Variants in LSAMP observed in about 807,000 individuals in gnomAD.
The protein encoded by LSAMP is limbic system associated membrane protein.
In LSAMP, 7 loss-of-function variants were observed where a neutral mutation model predicts 38.6. That is an observed-to-expected ratio of 0.18 (90% CI 0.10 to 0.34). The LOEUF (loss-of-function observed/expected upper bound fraction) is 0.34, where lower values mean the gene tolerates loss of function less well. Ranked by LOEUF, LSAMP falls within the 10% of genes least tolerant of loss-of-function variation. The pLI is 1.00. For synonymous variants in LSAMP, 154 were observed against 166.8 expected (o/e 0.92, Z 0.59); for missense variants, 313 against 420.0 (o/e 0.75, Z 2.23).
chr3:116,238,862 T>TA (rs398106338), intron 1 of LSAMP, among the ~76,000 whole-genome samples: 2 of 151,704 alleles, frequency 1.3e-5, no homozygotes, highest in Non-Finnish European at 2.9e-5. Flanking sequence ...CTTTTTTTTT[T>TA]AAGTTGCAAT....
chr3:116,022,891 C>A (rs1318224184), intron 2 of LSAMP, among the ~76,000 whole-genome samples: 1 of 152,148 alleles, frequency 6.6e-6, no homozygotes, highest in Non-Finnish European at 1.5e-5. Context: ...GGACTAAAGT[C>A]ATTACCTTCA....
At chr3:116,152,829 C>T (rs939605366) in intron 1 of LSAMP, among the ~76,000 whole-genome samples, 1 of 152,000 alleles carries the variant, frequency 6.6e-6, no homozygotes, top group Non-Finnish European at 1.5e-5. Flanking sequence ...CACAACTGAT[C>T]TAAAGTTATA....
intron 1 of LSAMP, among the ~76,000 whole-genome samples, chr3:116,373,449 C>T (rs558851353): frequency 2.6e-5 from 4 of 151,500 alleles, no homozygotes; most frequent in Non-Finnish European, 4.4e-5. Flanking sequence ...GAGTTATTTT[C>T]GAATGGGTAT....
chr3:116,195,251 A>G (rs761857844), intron 1 of LSAMP, among the ~76,000 whole-genome samples: 1 of 152,210 alleles, frequency 6.6e-6, no homozygotes, highest in Non-Finnish European at 1.5e-5. Flanking sequence ...TGGCTTTTCA[A>G]AATTTCATCA....
intron 1 of LSAMP, among the ~76,000 whole-genome samples, chr3:116,310,482 GCAACCTTTACCTACT>G (rs1214964387): frequency 6.6e-6 from 1 of 152,168 alleles, no homozygotes; most frequent in East Asian, 1.9e-4. Flanking sequence ...TGAGGCACAG[GCAACCTTTACCTACT>G]CACCAGCTGT....
intron 3 of LSAMP, among the ~76,000 whole-genome samples, chr3:116,006,355 G>A (rs1257202269): frequency 6.6e-6 from 1 of 152,056 alleles, no homozygotes; most frequent in Admixed American, 6.6e-5. Context: ...GAGCATGCTG[G>A]CACCTCGATC....
rs541093150 is a variant in LSAMP, at chr3:116,209,245, G to A, written c.156-122689C>T. On this transcript the variant is annotated intron_variant, in intron 1 of 6. Transcript: ENST00000490035. ...CACTTCCCAAGTGAGGCAATGCCTC[G>A]CCCTGCTTTGGCTCGCGCACGGTGC... Among the ~76,000 whole-genome samples the A allele has an allele frequency of 4.3e-3, 658 of 152,260 alleles. 5 individuals are homozygous for A. Among genetic ancestry groups the A allele is most frequent in the African/African-American group, 0.015 (614 of 41,550 alleles).
intron 3 of LSAMP, among the ~76,000 whole-genome samples, chr3:115,883,827 T>C (rs1007937026): frequency 1.3e-5 from 2 of 151,602 alleles, no homozygotes; most frequent in Non-Finnish European, 1.5e-5. Context: ...TGGCTAAAGG[T>C]AAAAAGAAAT....
At chr3:116,283,599 T>C (rs191441335) in intron 1 of LSAMP, among the ~76,000 whole-genome samples, 1 of 152,256 alleles carries the variant, frequency 6.6e-6, no homozygotes, top group East Asian at 1.9e-4. Context: ...AGAAAATTCC[T>C]GGTCAAGGGC....
intron 1 of LSAMP, among the ~76,000 whole-genome samples, chr3:116,192,841 C>T (rs1039745214): frequency 6.6e-6 from 1 of 152,136 alleles, no homozygotes; most frequent in African/African-American, 2.4e-5. Context: ...GAAAGCCTGG[C>T]TAATGATCAG....
At chr3:115,982,887 CG>C (rs1257749121) in intron 3 of LSAMP, among the ~76,000 whole-genome samples, 6 of 147,958 alleles carry the variant, frequency 4.1e-5, no homozygotes, top group East Asian at 1.9e-4. Context: ...ATGGGTGCAC[CG>C]TTATCTCTTT....
At chr3:116,122,837 T>C (rs6438298) in intron 1 of LSAMP, among the ~76,000 whole-genome samples, 18,597 of 152,130 alleles carry the variant, frequency 0.12, 3,724 homozygotes, top group African/African-American at 0.42. Flanking sequence ...CACAGGTAAC[T>C]GGAAACCTTG....
At chr3:116,307,643 A>C (rs955985939) in intron 1 of LSAMP, among the ~76,000 whole-genome samples, 1 of 151,986 alleles carries the variant, frequency 6.6e-6, no homozygotes, top group Non-Finnish European at 1.5e-5. Context: ...AAGATTGGAG[A>C]CAACTTAATG....
chr3:116,374,394 C>G (rs1034756832), intron 1 of LSAMP, among the ~76,000 whole-genome samples: 1 of 151,808 alleles, frequency 6.6e-6, no homozygotes, highest in Non-Finnish European at 1.5e-5. Context: ...TCCATAAGAA[C>G]GATGCCATTT....
chr3:115,892,436 CTA>C (rs2107461063), intron 3 of LSAMP, among the ~76,000 whole-genome samples: 1 of 152,088 alleles, frequency 6.6e-6, no homozygotes, highest in African/African-American at 2.4e-5. Flanking sequence ...ACTATCCAAA[CTA>C]TGTGTATATC....
At chr3:115,841,710 G>T in intron 6 of LSAMP, 135 bp downstream of exon 6, 1 of 921,050 alleles carries the variant, frequency 1.1e-6, no homozygotes, top group Non-Finnish European at 1.6e-6. Flanking sequence ...TGAGAACCCT[G>T]TATTTTTGTT....
chr3:116,338,152 T>C (rs566480411), intron 1 of LSAMP, among the ~76,000 whole-genome samples: 23 of 152,152 alleles, frequency 1.5e-4, no homozygotes, highest in African/African-American at 5.3e-4. Flanking sequence ...AAGGATTCTC[T>C]TTCATCGTCA....
At chr3:115,860,261 T>G (rs1576157831) in intron 3 of LSAMP, among the ~76,000 whole-genome samples, 2 of 152,334 alleles carry the variant, frequency 1.3e-5, no homozygotes, top group East Asian at 1.9e-4. Flanking sequence ...GGAACACAGG[T>G]TTAGAGTGGT....
chr3:116,084,473 C>CCAA (rs397795772), intron 2 of LSAMP, among the ~76,000 whole-genome samples: 1 of 140,748 alleles, frequency 7.1e-6, no homozygotes, highest in African/African-American at 2.7e-5. Flanking sequence ...AAAAAAAAAC[C>CCAA]AAAAAAAACC....
Sources: allele counts gnomAD v4.1 joint callset (sites outside exome capture counted in the v4.1 genomes callset), GRCh38; gene constraint gnomAD v4.1.1; transcripts MANE v1.5; gene names NCBI Gene and HGNC (gene_info 2026-07-23, HGNC 2026-07-21).